ARHGEF10L: variants seen among roughly 807,000 people sequenced by gnomAD.
ARHGEF10L encodes Rho guanine nucleotide exchange factor 10 like.
In ARHGEF10L, 69 loss-of-function variants were observed where a neutral mutation model predicts 141.2. The observed-to-expected ratio is 0.49, with a 90% confidence interval of 0.40 to 0.60. The LOEUF is 0.60. Ranked by LOEUF, ARHGEF10L falls within the 20% of genes least tolerant of loss-of-function variation. The pLI is 0.00. For missense variants in ARHGEF10L, 1,482 were observed against 1,734.3 expected, an observed-to-expected ratio of 0.85 and a Z score of 2.58; for synonymous variants, 711 against 718.5, an observed-to-expected ratio of 0.99 and a Z score of 0.17.
intron 1 of ARHGEF10L, among the ~76,000 whole-genome samples, chr1:17,555,271 A>G (rs1002086049): frequency 7.9e-5 from 12 of 151,734 alleles, no homozygotes; most frequent in African/African-American, 2.2e-4. Context: ...TTTTCTCCCA[A>G]TGAGCACCTA....
chr1:17,516,620 C>T, the ARHGEF10L span, among the ~76,000 whole-genome samples: 2 of 152,278 alleles, frequency 1.3e-5, no homozygotes, highest in Admixed American at 6.5e-5. Flanking sequence ...CCAGGTGGAG[C>T]TCTGGGAATG....
chr1:17,687,879 C>T, intron 27 of ARHGEF10L, 132 bp downstream of exon 27: 2 of 1,019,992 alleles, frequency 2.0e-6, no homozygotes, highest in South Asian at 1.8e-5. Flanking sequence ...ATTTGGGGCA[C>T]TCCCCAGGAA....
chr1:17,671,872 G>C (rs1461541414), intron 26 of ARHGEF10L, among the ~76,000 whole-genome samples: 1 of 152,364 alleles, frequency 6.6e-6, no homozygotes, highest in South Asian at 2.1e-4. Flanking sequence ...CAGGCCTGAC[G>C]CAGAGCAGGT....
At chr1:17,570,548 G>C (rs1297010675) in intron 1 of ARHGEF10L, among the ~76,000 whole-genome samples, 1 of 152,000 alleles carries the variant, frequency 6.6e-6, no homozygotes, top group East Asian at 1.9e-4. Flanking sequence ...GGGGGGTTGT[G>C]GGGGCTCTGA....
At chr1:17,563,536 CT>C (rs1325696135) in intron 1 of ARHGEF10L, among the ~76,000 whole-genome samples, 1 of 152,084 alleles carries the variant, frequency 6.6e-6, no homozygotes, top group Non-Finnish European at 1.5e-5. Context: ...TGCCCAGGCC[CT>C]TTTTCTTTTC....
the ARHGEF10L span, among the ~76,000 whole-genome samples, chr1:17,522,476 T>C: frequency 1.3e-5 from 2 of 150,926 alleles, no homozygotes; most frequent in African/African-American, 4.9e-5. Context: ...AGATCCTGCC[T>C]CCCCAACCCC....
At chr1:17,569,911 T>C (rs935487083) in intron 1 of ARHGEF10L, among the ~76,000 whole-genome samples, 2 of 152,198 alleles carry the variant, frequency 1.3e-5, no homozygotes, top group Non-Finnish European at 2.9e-5. Context: ...CCTGTCCCAC[T>C]CCTCCCCTTC....
rs546962257 is a variant in ARHGEF10L at position 17,651,136 on chromosome 1, ACTCT to A, written c.2394+2468_2394+2471del. ...ATATTGATTTTTTTAAAGTTGCCTT[ACTCT>A]CTCTCTATATATATACATTTTTGTG... On this transcript the variant is annotated intron_variant, in intron 22 of 28. Coordinates refer to ENST00000361221, the MANE Select transcript of ARHGEF10L (RefSeq NM_018125.4). Among the ~76,000 whole-genome samples, 31 of 151,840 alleles carry A rather than the reference ACTCT, an allele frequency of 2.0e-4. 1 individual carries two copies. In the South Asian group the frequency reaches 6.2e-3, roughly 31 times the overall value.
chr1:17,611,579 C>T (rs1570900058), intron 7 of ARHGEF10L, among the ~76,000 whole-genome samples: 1 of 145,326 alleles, frequency 6.9e-6, no homozygotes, highest in South Asian at 2.2e-4. Context: ...CATCCATCCA[C>T]TCATCCATTC....
chr1:17,628,344 C>G (rs114267425), intron 15 of ARHGEF10L, among the ~76,000 whole-genome samples: 3,499 of 152,114 alleles, frequency 0.023, 141 homozygotes, highest in African/African-American at 0.08. Context: ...GGAAAAAAAC[C>G]AAACAAAACC....
the ARHGEF10L span, among the ~76,000 whole-genome samples, chr1:17,524,955 C>A: frequency 6.6e-6 from 1 of 152,210 alleles, no homozygotes; most frequent in African/African-American, 2.4e-5. Flanking sequence ...TTCTCCCCTG[C>A]TCAGGCCTGC....
chr1:17,624,922 A>G (rs2060299673), intron 13 of ARHGEF10L, among the ~76,000 whole-genome samples: 1 of 152,150 alleles, frequency 6.6e-6, no homozygotes, highest in African/African-American at 2.4e-5. Flanking sequence ...TTGGGAGAGT[A>G]AAGGTTAAAG....
chr1:17,556,282 G>C (rs866793312), intron 1 of ARHGEF10L, among the ~76,000 whole-genome samples: 1 of 65,664 alleles, frequency 1.5e-5, no homozygotes, highest in Non-Finnish European at 3.0e-5. Flanking sequence ...CGGGGGGGGG[G>C]CCTGGGAGCA....
chr1:17,662,492 G>A (rs995065218), intron 25 of ARHGEF10L, among the ~76,000 whole-genome samples: 13 of 152,176 alleles, frequency 8.5e-5, no homozygotes, highest in East Asian at 1.9e-4. Flanking sequence ...TGGTGCTCAC[G>A]CTGGCTGGCC....
intron 1 of ARHGEF10L, among the ~76,000 whole-genome samples, chr1:17,549,473 T>G (rs1311118816): frequency 6.6e-6 from 1 of 150,910 alleles, no homozygotes; most frequent in Admixed American, 6.6e-5. Context: ...TATGTGGGGG[T>G]GGGGGTACAG....
At chr1:17,684,369 C>T (rs906840971) in intron 26 of ARHGEF10L, among the ~76,000 whole-genome samples, 5 of 152,306 alleles carry the variant, frequency 3.3e-5, no homozygotes, top group South Asian at 2.1e-4. Flanking sequence ...CAGATATGGG[C>T]GGAGGGCTAG....
chr1:17,530,128 T>C, the ARHGEF10L span, among the ~76,000 whole-genome samples: 1 of 152,060 alleles, frequency 6.6e-6, no homozygotes, highest in Non-Finnish European at 1.5e-5. Flanking sequence ...CCACCGCACC[T>C]GGCCACACAG....
At chr1:17,595,020 C>T (rs2100796095) in intron 4 of ARHGEF10L, among the ~76,000 whole-genome samples, 1 of 152,220 alleles carries the variant, frequency 6.6e-6, no homozygotes, top group South Asian at 2.1e-4. Context: ...TCCTCCCTAC[C>T]TCCTCCTCTC....
At chr1:17,555,754 C>T (rs1358635869) in intron 1 of ARHGEF10L, among the ~76,000 whole-genome samples, 16 of 152,166 alleles carry the variant, frequency 1.1e-4, no homozygotes. Context: ...GGGTCAGGAG[C>T]ACCATAACCA....
Sources: allele counts gnomAD v4.1 joint callset (sites outside exome capture counted in the v4.1 genomes callset), GRCh38; gene constraint gnomAD v4.1.1; transcripts MANE v1.5; gene names NCBI Gene and HGNC (gene_info 2026-07-23, HGNC 2026-07-21).